The following ATXN1 variants were observed in gnomAD, a reference collection of about 807,000 sequenced individuals.
ATXN1 encodes ataxin 1, also known as ataxin-1.
Under a neutral mutation model 56.4 loss-of-function variants are expected in ATXN1, and 8 were observed. The ratio of observed to expected loss-of-function variants is 0.14; its 90% CI spans 0.08 to 0.26. The LOEUF (loss-of-function observed/expected upper bound fraction) is 0.26, where lower values mean the gene tolerates loss of function less well. Among genes scored for constraint, ATXN1 ranks in the 10% least tolerant of loss-of-function variants. The pLI is 1.00. For synonymous variants in ATXN1, 514 were observed against 494.6 expected (o/e 1.04, Z -0.52); for missense variants, 987 against 1,106.5 (o/e 0.89, Z 1.53).
intron 6 of ATXN1, among the ~76,000 whole-genome samples, chr6:16,363,363 G>A (rs1761853515): frequency 6.6e-6 from 1 of 152,216 alleles, no homozygotes; most frequent in African/African-American, 2.4e-5. Context: ...ATCCTGTCTA[G>A]TAATAACTGC....
intron 6 of ATXN1, among the ~76,000 whole-genome samples, chr6:16,455,959 C>T (rs927801294): frequency 3.3e-5 from 5 of 152,068 alleles, no homozygotes; most frequent in Admixed American, 2.6e-4. Context: ...AGTAGCCAAT[C>T]GCAGGGAGGA....
chr6:16,316,865 C>CTGTTTTTTTTTTTTTT (rs1760522505), intron 7 of ATXN1, among the ~76,000 whole-genome samples: 1 of 99,500 alleles, frequency 1.0e-5, no homozygotes, highest in Non-Finnish European at 1.8e-5. Flanking sequence ...GACTGCCTGT[C>CTGTTTTTTTTTTTTTT]TTTTTTTTTT....
At chr6:16,377,318 T>A (rs1762159653) in intron 6 of ATXN1, among the ~76,000 whole-genome samples, 1 of 152,138 alleles carries the variant, frequency 6.6e-6, no homozygotes, top group Non-Finnish European at 1.5e-5. Context: ...GGAAGAAAAG[T>A]TTGAAACCAT....
intron 6 of ATXN1, among the ~76,000 whole-genome samples, chr6:16,435,366 G>A (rs12195609): frequency 6.6e-6 from 1 of 151,778 alleles, no homozygotes; most frequent in African/African-American, 2.4e-5. Flanking sequence ...CACTTAAGTG[G>A]AGAAGCAAAG....
At chr6:16,653,195 C>T (rs1758106232) in intron 3 of ATXN1, among the ~76,000 whole-genome samples, 1 of 152,148 alleles carries the variant, frequency 6.6e-6, no homozygotes, top group South Asian at 2.1e-4. Flanking sequence ...TCAGGAGGTG[C>T]ACCAGAAGCA....
chr6:16,443,074 T>TG (rs1264378398), intron 6 of ATXN1, among the ~76,000 whole-genome samples: 3 of 151,338 alleles, frequency 2.0e-5, no homozygotes, highest in Non-Finnish European at 4.4e-5. Context: ...CCCAGCTACT[T>TG]GGGGGGCTGA....
intron 6 of ATXN1, among the ~76,000 whole-genome samples, chr6:16,367,313 T>C (rs148952167): frequency 0.016 from 2,406 of 151,800 alleles, 60 homozygotes; most frequent in African/African-American, 0.049. Context: ...ATTCAGCACA[T>C]CTTGCAGCCA....
chr6:16,562,024 A>C (rs1488420296), intron 4 of ATXN1, among the ~76,000 whole-genome samples: 2 of 152,214 alleles, frequency 1.3e-5, no homozygotes, highest in Non-Finnish European at 2.9e-5. Flanking sequence ...GACATAAAGA[A>C]GAAATGATCA....
intron 4 of ATXN1, among the ~76,000 whole-genome samples, chr6:16,530,559 C>T (rs1365730658): frequency 6.6e-6 from 1 of 151,562 alleles, no homozygotes; most frequent in Non-Finnish European, 1.5e-5. Context: ...AAACGACTAC[C>T]CCATCGTTTT....
chr6:16,679,682 A>G (rs184002297), intron 2 of ATXN1, among the ~76,000 whole-genome samples: 73 of 152,344 alleles, frequency 4.8e-4, no homozygotes, highest in Non-Finnish European at 3.2e-4. Context: ...ACAAGAAAGA[A>G]CTCAATGGAA....
intron 6 of ATXN1, among the ~76,000 whole-genome samples, chr6:16,364,015 G>A (rs143157234): frequency 5.3e-4 from 80 of 152,300 alleles, no homozygotes; most frequent in African/African-American, 1.9e-3. Flanking sequence ...TATGAGACAA[G>A]GTATTTTGGC....
At chr6:16,713,784 G>C (rs972361040) in intron 2 of ATXN1, among the ~76,000 whole-genome samples, 4 of 152,190 alleles carry the variant, frequency 2.6e-5, no homozygotes, top group Admixed American at 2.6e-4. Context: ...CCTGGGCCTG[G>C]CGCCCAGAAA....
At chr6:16,472,007 G>A (rs1221537587) in intron 6 of ATXN1, among the ~76,000 whole-genome samples, 1 of 152,136 alleles carries the variant, frequency 6.6e-6, no homozygotes, top group Non-Finnish European at 1.5e-5. Flanking sequence ...ACAACAGGAG[G>A]TGGTTTTAAT....
At chr6:16,439,768 A>G (rs1759475574) in intron 6 of ATXN1, among the ~76,000 whole-genome samples, 1 of 152,200 alleles carries the variant, frequency 6.6e-6, no homozygotes, top group African/African-American at 2.4e-5. Flanking sequence ...CATCTTCTCA[A>G]GCACTATTAA....
chr6:16,573,923 T>G (rs991457625), intron 4 of ATXN1, among the ~76,000 whole-genome samples: 6 of 152,262 alleles, frequency 3.9e-5, no homozygotes, highest in Non-Finnish European at 8.8e-5. Context: ...ATTCCTCTTC[T>G]GAACCTGACA....
chr6:16,608,769 A>G (rs1376284283), intron 3 of ATXN1, among the ~76,000 whole-genome samples: 1 of 152,248 alleles, frequency 6.6e-6, no homozygotes, highest in African/African-American at 2.4e-5. Flanking sequence ...TGTAGCTTAC[A>G]ATATACAAAA....
chr6:16,743,350 C>T (rs1760408393), intron 2 of ATXN1, among the ~76,000 whole-genome samples: 1 of 152,340 alleles, frequency 6.6e-6, no homozygotes, highest in East Asian at 1.9e-4. Context: ...GTCACCTTTT[C>T]ACTCACTGTG....
intron 4 of ATXN1, among the ~76,000 whole-genome samples, chr6:16,583,986 T>C (rs954112855): frequency 6.6e-6 from 1 of 151,928 alleles, no homozygotes; most frequent in Non-Finnish European, 1.5e-5. Flanking sequence ...ACTCCTGAAA[T>C]AGGAGTTTTA....
intron 4 of ATXN1, among the ~76,000 whole-genome samples, chr6:16,534,697 C>T (rs764066695): frequency 1.3e-5 from 2 of 152,110 alleles, no homozygotes; most frequent in Admixed American, 6.6e-5. Context: ...TACTTCCTAC[C>T]TAAAATAAAC....
Sources: allele counts gnomAD v4.1 joint callset (sites outside exome capture counted in the v4.1 genomes callset), GRCh38; gene constraint gnomAD v4.1.1; transcripts MANE v1.5; gene names NCBI Gene and HGNC (gene_info 2026-07-23, HGNC 2026-07-21).